Variants in SAMSN1 observed in about 807,000 individuals in gnomAD.
SAMSN1 encodes SAM domain-containing protein SAMSN-1.
A neutral mutation model predicts 42.0 loss-of-function variants in SAMSN1; 31 were observed. The observed-to-expected ratio is 0.74, with a 90% confidence interval of 0.55 to 1.00. SAMSN1 has a LOEUF of 1.00. SAMSN1 is among the 50% of genes least tolerant of loss of function. The probability of loss-of-function intolerance (pLI) is 0.00; values close to 1 mark genes in which losing one functional copy is unlikely to be tolerated. For missense variants in SAMSN1, 464 were observed against 439.4 expected (o/e 1.06, Z -0.50); for synonymous variants, 178 against 151.9 (o/e 1.17, Z -1.26).
At chr21:14,556,999 T>A (rs1568807165) in intron 2 of SAMSN1, among the ~76,000 whole-genome samples, 1 of 151,980 alleles carries the variant, frequency 6.6e-6, no homozygotes, top group African/African-American at 2.4e-5. Flanking sequence ...CAAACCAATA[T>A]CTGGTTGGAA....
intron 2 of SAMSN1, among the ~76,000 whole-genome samples, chr21:14,640,867 A>C (rs982033225): frequency 3.2e-4 from 49 of 152,228 alleles, no homozygotes; most frequent in African/African-American, 1.2e-3. Context: ...AATGCTGAGA[A>C]ATTACAGAGA....
At chr21:14,625,453 C>T (rs1437743202) in intron 2 of SAMSN1, among the ~76,000 whole-genome samples, 2 of 152,120 alleles carry the variant, frequency 1.3e-5, no homozygotes, top group East Asian at 3.8e-4. Context: ...AATCAATGTA[C>T]AAAAATCACA....
chr21:14,588,018 T>A (rs1175023254), upstream of SAMSN1, among the ~76,000 whole-genome samples: 2 of 137,750 alleles, frequency 1.5e-5, no homozygotes, highest in South Asian at 5.0e-4. Flanking sequence ...GTTCTTGCGA[T>A]AGTTTACTGA....
upstream of SAMSN1, chr21:14,583,462 C>T (rs1600944971): frequency 7.5e-6 from 4 of 531,420 alleles, no homozygotes; most frequent in South Asian, 4.6e-5. Flanking sequence ...AGAAACGGGG[C>T]GGTGCATAAA....
rs1378407074 is a variant in SAMSN1, at chr21:14,503,168, T to G, written c.562-2433A>C. On this transcript the variant is annotated intron_variant, in intron 5 of 7. Coordinates refer to ENST00000400566, the MANE Select transcript of SAMSN1 (RefSeq NM_022136.5). ...TGCAGATCCATTTAGTGTACTGAATTATTTGATTTTGAGTTAACTGAAAGG... is the reference window on the plus strand; with the variant it reads ...TGCAGATCCATTTAGTGTACTGAATGATTTGATTTTGAGTTAACTGAAAGG... Among the ~76,000 whole-genome samples the G allele has an allele frequency of 3.6e-4, 54 of 152,090 alleles. 2 individuals carry two copies. Among genetic ancestry groups the G allele is most frequent in the Admixed American group, 3.5e-3 (54 of 15,268 alleles).
intron 4 of SAMSN1, among the ~76,000 whole-genome samples, chr21:14,510,991 C>T (rs555094716): frequency 6.6e-6 from 1 of 152,296 alleles, no homozygotes; most frequent in South Asian, 2.1e-4. Flanking sequence ...GTCTGGTCCT[C>T]TTATTTTTGA....
At chr21:14,586,493 A>G (rs1416018344), upstream of SAMSN1, among the ~76,000 whole-genome samples, 2 of 152,148 alleles carry the variant, frequency 1.3e-5, no homozygotes, top group African/African-American at 4.8e-5. Context: ...TTGAGCACCT[A>G]GTAAATGCCA....
At chr21:14,593,401 G>A (rs935135023) in intron 7 of SAMSN1, among the ~76,000 whole-genome samples, 1 of 152,050 alleles carries the variant, frequency 6.6e-6, no homozygotes. Flanking sequence ...GTTGATGTAT[G>A]TGAATATCCT....
chr21:14,649,772 AACACACAC>A (rs60905314), intron 1 of SAMSN1, among the ~76,000 whole-genome samples: 49 of 135,754 alleles, frequency 3.6e-4, no homozygotes, highest in African/African-American at 1.2e-3. Flanking sequence ...ACTGTCTCAA[AACACACAC>A]ACACACACAC....
At chr21:14,554,559 G>C (rs1478530486) in intron 2 of SAMSN1, among the ~76,000 whole-genome samples, 1 of 151,862 alleles carries the variant, frequency 6.6e-6, no homozygotes, top group Non-Finnish European at 1.5e-5. Flanking sequence ...TATTTAAGCT[G>C]TTGTCATATG....
At chr21:14,512,384 T>G in intron 4 of SAMSN1, 60 bp downstream of exon 4, 1 of 1,576,132 alleles carries the variant, frequency 6.3e-7, no homozygotes, top group Non-Finnish European at 8.7e-7. Flanking sequence ...CTTGTTGTTT[T>G]TTAATTAATT....
At chr21:14,605,937 G>T (rs1016162610) in intron 5 of SAMSN1, among the ~76,000 whole-genome samples, 1 of 151,794 alleles carries the variant, frequency 6.6e-6, no homozygotes, top group Non-Finnish European at 1.5e-5. Context: ...CGCCTCCCAG[G>T]TTCACGCCAT....
intron 1 of SAMSN1, among the ~76,000 whole-genome samples, chr21:14,654,705 C>G (rs1983889275): frequency 6.6e-6 from 1 of 151,932 alleles, no homozygotes; most frequent in South Asian, 2.1e-4. Context: ...ACCAATAGTT[C>G]AGTGTCTAGA....
At chr21:14,606,461 G>T (rs1339867221) in intron 5 of SAMSN1, among the ~76,000 whole-genome samples, 1 of 151,826 alleles carries the variant, frequency 6.6e-6, no homozygotes, top group Non-Finnish European at 1.5e-5. Context: ...TTAATCTTAG[G>T]TAAACTCCAA....
At chr21:14,612,620 C>G in intron 4 of SAMSN1, 1 of 548,340 alleles carries the variant, frequency 1.8e-6, no homozygotes, top group East Asian at 4.5e-5. Flanking sequence ...AGATGAGCAG[C>G]CAATGAACTA....
chr21:14,500,785 T>G, intron 5 of SAMSN1, 50 bp from the exon 6 acceptor site: 2 of 1,358,640 alleles, frequency 1.5e-6, no homozygotes, highest in Non-Finnish European at 2.1e-6. Flanking sequence ...ACCTCACTGA[T>G]AGAAAGAATG....
chr21:14,509,154 GA>G (rs1987564003), intron 5 of SAMSN1, among the ~76,000 whole-genome samples: 1 of 151,032 alleles, frequency 6.6e-6, no homozygotes, highest in African/African-American at 2.4e-5. Flanking sequence ...GAAAAGAAAA[GA>G]AAAGAAAGGA....
At chr21:14,509,228 A>G (rs969142782) in intron 5 of SAMSN1, among the ~76,000 whole-genome samples, 2 of 152,232 alleles carry the variant, frequency 1.3e-5, no homozygotes, top group Non-Finnish European at 2.9e-5. Flanking sequence ...AGCCATAAAA[A>G]GGAATGAATT....
chr21:14,626,696 A>C (rs1207413181), intron 2 of SAMSN1, among the ~76,000 whole-genome samples: 2 of 152,238 alleles, frequency 1.3e-5, no homozygotes, highest in African/African-American at 4.8e-5. Context: ...AAACTAGTTC[A>C]ACCATTGTGG....
Sources: allele counts gnomAD v4.1 joint callset (sites outside exome capture counted in the v4.1 genomes callset), GRCh38; gene constraint gnomAD v4.1.1; transcripts MANE v1.5; gene names NCBI Gene and HGNC (gene_info 2026-07-23, HGNC 2026-07-21).